Variants in RASSF9 observed in about 807,000 individuals in gnomAD.
RASSF9 encodes the protein Ras association domain family member 9, also known as ras association domain-containing protein 9.
In RASSF9, 18 loss-of-function variants were observed where a neutral mutation model predicts 21.4. That is an observed-to-expected ratio of 0.84 (90% CI 0.58 to 1.25). RASSF9 has a LOEUF of 1.25. Among genes scored for constraint, RASSF9 ranks in the 50% most tolerant of loss-of-function variants. The pLI is 0.00. For missense variants in RASSF9, 480 were observed against 503.2 expected (o/e 0.95, Z 0.44); for synonymous variants, 183 against 179.1 (o/e 1.02, Z -0.18).
intron 1 of RASSF9, among the ~76,000 whole-genome samples, chr12:85,818,230 T>C (rs1321079542): frequency 2.0e-5 from 3 of 152,236 alleles, no homozygotes; most frequent in African/African-American, 4.8e-5. Context: ...TTTATGCATA[T>C]AAATTCACTT....
In RASSF9 at chr12:85,805,346, G is replaced by C. The variant is rs765152187; in HGVS notation, c.664C>G (p.Arg222Gly). 1.2e-6 allele frequency: 2 copies of C among 1,613,214 alleles called. No homozygotes were observed. The highest frequency in any genetic ancestry group is 1.7e-5 in the Admixed American group (1 of 59,960). The stretch of plus-strand genomic sequence containing the variant: ...TAGTTTTCTCCATCATTTTCTACTC[G>C]ATCAAGATGGAACTTAGCTTCACAC... ...EKCEAKFHLD[R>G]VENDGENYVQ... The change falls in exon 2 of 2, where the codon CGA (arginine) becomes GGA (glycine). Residue 222 changes from arginine (R) to glycine (G), a missense_variant. Coordinates refer to ENST00000361228, the MANE Select transcript of RASSF9 (RefSeq NM_005447.4).
At chr12:85,821,561 A>G (rs190444982) in intron 1 of RASSF9, among the ~76,000 whole-genome samples, 1 of 144,484 alleles carries the variant, frequency 6.9e-6, no homozygotes, top group Admixed American at 6.7e-5. Context: ...CAGAAAATTA[A>G]TGACTCTATG....
rs1879701935 is a variant in RASSF9, at chr12:85,801,600, C to A, written c.*3102G>T. On this transcript the variant is annotated 3_prime_UTR_variant, in exon 2 of 2. Transcript: ENST00000361228. Reference sequence around the variant, plus strand: ...GGCCAAGACGGGTGGATCACAAGGTCAGGACATCGAGACCATCCTGGCTAA... The same window carrying A: ...GGCCAAGACGGGTGGATCACAAGGTAAGGACATCGAGACCATCCTGGCTAA... The A allele has an allele frequency of 6.6e-6, 1 of 152,328 alleles. No individual in the cohort carries two copies. Among genetic ancestry groups the A allele is most frequent in the South Asian group, 2.1e-4 (1 of 4,830 alleles). The allele number at this position is 152,328 out of a possible 1,614,324, so 9.4% of individuals were successfully genotyped here.
chr12:85,814,334 T>C (rs374439661), intron 1 of RASSF9, among the ~76,000 whole-genome samples: 3 of 152,038 alleles, frequency 2.0e-5, no homozygotes, highest in South Asian at 4.1e-4. Context: ...CACACCCTGT[T>C]CCAGATTTAA....
At chr12:85,825,060 T>G (rs145292700) in intron 1 of RASSF9, among the ~76,000 whole-genome samples, 2,010 of 152,258 alleles carry the variant, frequency 0.013, 19 homozygotes, top group Middle Eastern at 0.027. Context: ...TGGAGTACAG[T>G]GGTGCGATCT....
rs2136550980 is a variant in RASSF9 at position 85,808,221 on chromosome 12, A to G, written c.48-2259T>C. ...CACATGAAGTAAAAAAGTTATTACT[A>G]AAGGTGAAAGATACATCAGGGATGC... is the stretch of plus-strand genomic sequence containing the variant. On this transcript the variant is annotated intron_variant, in intron 1 of 1. Transcript: ENST00000361228. Among the ~76,000 whole-genome samples, 3 of 152,228 alleles carry G rather than the reference A, an allele frequency of 2.0e-5. No individual in the cohort carries two copies. In the Middle Eastern group the frequency reaches 0.01, roughly 518 times the overall value.
At chr12:85,817,366 C>G (rs1040403041) in intron 1 of RASSF9, among the ~76,000 whole-genome samples, 13 of 152,104 alleles carry the variant, frequency 8.5e-5, no homozygotes, top group South Asian at 6.2e-4. Context: ...TAGAGTGCAA[C>G]TACAATTGGT....
At position 85,836,117 on chromosome 12, in the gene RASSF9, A is replaced by G. The variant is rs554618376; in HGVS notation, c.47+38T>C. On this transcript the variant is annotated intron_variant, in intron 1 of 1. Coordinates refer to ENST00000361228, the MANE Select transcript of RASSF9 (RefSeq NM_005447.4). ...ACACACACAAGACACACACACACAC[A>G]GAGACACACACACACTTACTCACAC... is the stretch of plus-strand genomic sequence containing the variant. 19 of 1,551,106 alleles carry G rather than the reference A, an allele frequency of 1.2e-5. No homozygotes were observed. The South Asian group carries it at 2.1e-4, about 17-fold the overall frequency.
chr12:85,812,372 C>T (rs75430104), intron 1 of RASSF9, among the ~76,000 whole-genome samples: 3,170 of 151,190 alleles, frequency 0.021, 117 homozygotes, highest in African/African-American at 0.072. Flanking sequence ...TTTATAATCA[C>T]ATAGTATGTT....
At position 85,833,601 on chromosome 12, in the gene RASSF9, A is replaced by G. The variant is rs532744059; in HGVS notation, c.47+2554T>C. ...AGTGACCAAAAATGAAAAGAGAGGCAGAGAATAGCATGCAGAAAAATTCTG... is the reference window on the plus strand; with the variant it reads ...AGTGACCAAAAATGAAAAGAGAGGCGGAGAATAGCATGCAGAAAAATTCTG... On this transcript the variant is annotated intron_variant, in intron 1 of 1. Transcript: ENST00000361228. Among the ~76,000 whole-genome samples the G allele has an allele frequency of 6.6e-4, 101 of 152,098 alleles. 1 individual carries two copies. Among genetic ancestry groups the G allele is most frequent in the African/African-American group, 2.4e-3 (100 of 41,572 alleles).
chr12:85,802,881 C>CT lies in RASSF9; in HGVS notation c.*1820dup, dbSNP rs1879731347. ...TTCACAGATGACTATTCAATTTTAT[C>CT]TTTTTTAAAAAAATGTAACCGATGC... is the stretch of plus-strand genomic sequence containing the variant. On this transcript the variant is annotated 3_prime_UTR_variant, in exon 2 of 2. Transcript: ENST00000361228. 1 of 151,970 alleles carries CT rather than the reference C, an allele frequency of 6.6e-6. No homozygotes were observed. 9.4% of individuals were successfully genotyped at this position (151,970 alleles called of 1,614,324 possible). A position where few individuals can be genotyped will look rare whatever the true frequency, so the allele number is the denominator to read the frequency against.
rs1160976890 is a variant in RASSF9 at position 85,805,728 on chromosome 12, A to T, written c.282T>A (p.Thr94=). ...RGSERVLPPL[T]RILKLWKAWG... ...ACGCTTTCCAAAGCTTCAGGATTCT[A>T]GTTAGTGGAGGAAGAACCCTTTCGG... The change falls in exon 2 of 2, where the codon ACT becomes ACA. Residue 94 remains threonine, a synonymous_variant. Coordinates refer to ENST00000361228, the MANE Select transcript of RASSF9 (RefSeq NM_005447.4). The T allele has an allele frequency of 6.2e-7, 1 of 1,613,928 alleles. No homozygotes were observed. Among genetic ancestry groups the T allele is most frequent in the African/African-American group, 1.3e-5 (1 of 75,044 alleles).
At chr12:85,807,789 A>C (rs899068237) in intron 1 of RASSF9, among the ~76,000 whole-genome samples, 4 of 152,186 alleles carry the variant, frequency 2.6e-5, no homozygotes, top group Non-Finnish European at 5.9e-5. Flanking sequence ...AGAAGCAAAA[A>C]TTCCATGATG....
chr12:85,817,297 T>C (rs1206588360), intron 1 of RASSF9, among the ~76,000 whole-genome samples: 1 of 152,156 alleles, frequency 6.6e-6, no homozygotes, highest in Non-Finnish European at 1.5e-5. Flanking sequence ...CACAGCCATT[T>C]TCAAACTAAG....
chr12:85,829,354 A>C (rs887087207), intron 1 of RASSF9, among the ~76,000 whole-genome samples: 1 of 152,178 alleles, frequency 6.6e-6, no homozygotes, highest in Non-Finnish European at 1.5e-5. Context: ...AAGATCTGAT[A>C]CACGGACCAA....
chr12:85,822,060 C>T (rs745605433), intron 1 of RASSF9, among the ~76,000 whole-genome samples: 3 of 151,518 alleles, frequency 2.0e-5, no homozygotes, highest in East Asian at 1.9e-4. Flanking sequence ...AGAAATATTT[C>T]GCAACAAAAA....
At chr12:85,814,659 A>T (rs956338575) in intron 1 of RASSF9, among the ~76,000 whole-genome samples, 11 of 148,410 alleles carry the variant, frequency 7.4e-5, no homozygotes, top group Non-Finnish European at 1.3e-4. Context: ...ATGAATAGAA[A>T]TTTTTTTTTT....
chr12:85,805,326 T>A lies in RASSF9; in HGVS notation c.684A>T (p.Glu228Asp). ...FHLDRVENDG[E>D]NYVQDAYLMP... is the part of the protein sequence containing the mutation. Reference sequence around the variant, plus strand: ...TTAAATATGCATCCTGAACATAGTTTTCTCCATCATTTTCTACTCGATCAA... The same window carrying A: ...TTAAATATGCATCCTGAACATAGTTATCTCCATCATTTTCTACTCGATCAA... Residue 228 changes from glutamate to aspartate, a missense_variant, in exon 2 of 2, where the codon GAA becomes GAT. Glu to Asp is a conservative substitution (Grantham distance 45). Coordinates refer to ENST00000361228, the MANE Select transcript of RASSF9 (RefSeq NM_005447.4). 1 of 1,613,614 alleles carries A rather than the reference T, an allele frequency of 6.2e-7. No individual in the cohort carries two copies. Among genetic ancestry groups the A allele is most frequent in the Non-Finnish European group, 8.5e-7 (1 of 1,179,870 alleles).
At chr12:85,820,003 T>C (rs750986062) in intron 1 of RASSF9, among the ~76,000 whole-genome samples, 6 of 152,212 alleles carry the variant, frequency 3.9e-5, no homozygotes, top group Non-Finnish European at 7.3e-5. Context: ...AAGTCAATGT[T>C]TTGATGTTCA....
Sources: gnomAD v4.1 joint callset for allele counts (sites outside exome capture counted in the v4.1 genomes callset) on GRCh38, gnomAD v4.1.1 for gene constraint, MANE v1.5 for transcripts, NCBI Gene and HGNC (gene_info 2026-07-23, HGNC 2026-07-21) for gene names.